The following SMIM35 variants were observed in gnomAD, a reference collection of about 807,000 sequenced individuals.
The protein encoded by SMIM35 is TMPRSS4 antisense RNA 1 (non-protein coding).
chr11:118,077,221 G>GGA, intron 1 of SMIM35: 1 of 1,548,916 alleles, frequency 6.5e-7, no homozygotes, highest in Middle Eastern at 1.7e-4. Context: ...GCCAGGACCT[G>GGA]TGTGGGGAGG....
chr11:118,064,829 G>A (rs117923611), intron 1 of SMIM35, among the ~76,000 whole-genome samples: 393 of 152,302 alleles, frequency 2.6e-3, no homozygotes, highest in Non-Finnish European at 3.4e-3. Context: ...ATTTTTAGTA[G>A]AGATAGGGTT....
At chr11:118,043,934 A>G (rs1220954252) in intron 1 of SMIM35, among the ~76,000 whole-genome samples, 1 of 151,786 alleles carries the variant, frequency 6.6e-6, no homozygotes, top group African/African-American at 2.4e-5. Flanking sequence ...TCTAAAATTG[A>G]CTGTAATGGT....
rs78520070 is a variant in SMIM35, at chr11:118,018,290, G to A, written c.8-2481C>T. Among the ~76,000 whole-genome samples the A allele has an allele frequency of 4.1e-3, 624 of 152,288 alleles. 4 individuals carry two copies. Among genetic ancestry groups the A allele is most frequent in the Non-Finnish European group, 6.6e-3 (449 of 68,034 alleles). ...CACTTGAGGACTTGGAGCAGATAAA[G>A]GGCATGACCCAATGTTTTAAAAGGA... On this transcript the variant is annotated intron_variant, in intron 1 of 4. Transcript: ENST00000689828.
intron 1 of SMIM35, among the ~76,000 whole-genome samples, chr11:118,033,703 A>G (rs2058336849): frequency 6.6e-6 from 1 of 152,212 alleles, no homozygotes; most frequent in Admixed American, 6.5e-5. Flanking sequence ...TGACAGTTTC[A>G]AAAGGCACTT....
At chr11:118,029,009 A>T in intron 1 of SMIM35, 1 of 366,908 alleles carries the variant, frequency 2.7e-6, no homozygotes, top group South Asian at 2.2e-5. Flanking sequence ...TGAAAATAGA[A>T]TCAAGATACA....
chr11:118,056,923 T>C (rs1944320400), intron 1 of SMIM35, among the ~76,000 whole-genome samples: 1 of 150,568 alleles, frequency 6.6e-6, no homozygotes, highest in South Asian at 2.1e-4. Context: ...GTAGAGTGGA[T>C]GGAGGTGCAA....
At chr11:118,017,770 C>A (rs191205934) in intron 1 of SMIM35, among the ~76,000 whole-genome samples, 2 of 152,250 alleles carry the variant, frequency 1.3e-5, no homozygotes, top group East Asian at 3.9e-4. Flanking sequence ...CCTCAGGAAA[C>A]TTACAGTCAG....
chr11:118,068,536 A>T (rs2135136178), intron 1 of SMIM35, among the ~76,000 whole-genome samples: 1 of 152,300 alleles, frequency 6.6e-6, no homozygotes, highest in Non-Finnish European at 1.5e-5. Flanking sequence ...GGGTGAGGCC[A>T]AGAGACAGTC....
At chr11:118,074,914 C>T (rs1414500905) in intron 1 of SMIM35, among the ~76,000 whole-genome samples, 6 of 152,130 alleles carry the variant, frequency 3.9e-5, no homozygotes, top group Non-Finnish European at 8.8e-5. Flanking sequence ...TATGTGCCTT[C>T]TTCCCGGACC....
intron 1 of SMIM35, among the ~76,000 whole-genome samples, chr11:118,053,856 G>C (rs1003652502): frequency 5.9e-5 from 9 of 152,146 alleles, no homozygotes; most frequent in Admixed American, 5.9e-4. Context: ...AGAGGAAAAA[G>C]AGGAGTTGGA....
chr11:118,026,706 C>T (rs1231671467), intron 1 of SMIM35, among the ~76,000 whole-genome samples: 2 of 152,170 alleles, frequency 1.3e-5, no homozygotes, highest in African/African-American at 4.8e-5. Flanking sequence ...GTGGCTCATG[C>T]CTGTAATCCT....
chr11:118,041,571 C>G (rs1944001294), intron 1 of SMIM35, among the ~76,000 whole-genome samples: 1 of 151,932 alleles, frequency 6.6e-6, no homozygotes, highest in Admixed American at 6.6e-5. Flanking sequence ...ACCAATGGAT[C>G]AAGGAATAAA....
chr11:118,043,121 A>G (rs571675612), intron 1 of SMIM35, among the ~76,000 whole-genome samples: 26 of 152,350 alleles, frequency 1.7e-4, no homozygotes, highest in Non-Finnish European at 3.2e-4. Flanking sequence ...CTTCTGTTCA[A>G]CATTGTACTG....
At chr11:118,013,254 G>T (rs529087238) in intron 4 of SMIM35, among the ~76,000 whole-genome samples, 3 of 152,318 alleles carry the variant, frequency 2.0e-5, no homozygotes, top group African/African-American at 4.8e-5. Flanking sequence ...GCCCAAGAGA[G>T]AAATGGTTTG....
At chr11:118,014,793 C>T (rs747243734) in intron 2 of SMIM35, 52 bp from the exon 3 acceptor site, 14 of 398,776 alleles carry the variant, frequency 3.5e-5, no homozygotes, top group Middle Eastern at 1.3e-3. Context: ...GGAAGCAGTC[C>T]GCCACCCTTC....
intron 1 of SMIM35, among the ~76,000 whole-genome samples, chr11:118,075,068 G>A (rs1286047221): frequency 6.6e-6 from 1 of 152,230 alleles, no homozygotes; most frequent in Non-Finnish European, 1.5e-5. Flanking sequence ...GTAAAGCAAT[G>A]CAAACCTGTG....
At chr11:118,020,025 G>A (rs895854181) in intron 1 of SMIM35, among the ~76,000 whole-genome samples, 5 of 152,178 alleles carry the variant, frequency 3.3e-5, no homozygotes, top group African/African-American at 1.2e-4. Context: ...GCATTTGGGA[G>A]GCCAAGGTTG....
At position 118,015,787 on chromosome 11, in the gene SMIM35, C is replaced by T. The variant is rs927498385; in HGVS notation, c.30G>A (p.Leu10=). MTGEDSIST[L]GLILGVGLLL... ...AGAGCCCCACGCCAAGGATCAGGCC[C>T]AAGGTGCTGATGGAGTCCTCACCTG... is the stretch of plus-strand genomic sequence containing the variant. Residue 10 remains leucine, a synonymous_variant, in exon 2 of 5, where the codon TTG becomes TTA. Transcript: ENST00000689828. 2 of 399,336 alleles carry T rather than the reference C, an allele frequency of 5.0e-6. No individual in the cohort carries two copies. The highest frequency in any genetic ancestry group is 8.8e-6 in the Non-Finnish European group (2 of 226,290). 24.7% of individuals were successfully genotyped at this position (399,336 alleles called of 1,614,324 possible). A position where few individuals can be genotyped will look rare whatever the true frequency, so the allele number is the denominator to read the frequency against.
chr11:118,018,163 G>A (rs1414989332), intron 1 of SMIM35, among the ~76,000 whole-genome samples: 1 of 152,202 alleles, frequency 6.6e-6, no homozygotes, highest in African/African-American at 2.4e-5. Flanking sequence ...CCTGGGTCAT[G>A]AGCAGGAAGG....
Sources: allele counts gnomAD v4.1 joint callset (sites outside exome capture counted in the v4.1 genomes callset), GRCh38; gene constraint gnomAD v4.1.1; transcripts MANE v1.5; gene names NCBI Gene and HGNC (gene_info 2026-07-23, HGNC 2026-07-21).